ZNF883: variants seen among roughly 807,000 people sequenced by gnomAD.
ZNF883 encodes zinc finger protein 883.
intron 2 of ZNF883, among the ~76,000 whole-genome samples, 184 bp downstream of exon 2, chr9:113,010,957 C>T (rs2118632552): frequency 6.8e-6 from 1 of 147,720 alleles, no homozygotes; most frequent in Admixed American, 6.8e-5. Flanking sequence ...TGCACTCCAG[C>T]CTGGGCAACT....
downstream of ZNF883, among the ~76,000 whole-genome samples, chr9:112,996,345 A>G (rs1351837275): frequency 6.6e-6 from 1 of 152,216 alleles, no homozygotes; most frequent in African/African-American, 2.4e-5. Context: ...TTATTTGTCT[A>G]TGGCTATTAA....
At chr9:113,001,096 A>C (rs143879707), upstream of ZNF883, among the ~76,000 whole-genome samples, 1,989 of 152,278 alleles carry the variant, frequency 0.013, 34 homozygotes, top group African/African-American at 0.033. Context: ...GTTGCTATAA[A>C]GAAAGAATTC....
intron 1 of ZNF883, among the ~76,000 whole-genome samples, chr9:112,990,041 T>C (rs763019747): frequency 2.6e-5 from 4 of 152,196 alleles, no homozygotes; most frequent in South Asian, 2.1e-4. Flanking sequence ...TTTCTAGATA[T>C]AGGGTCATGT....
At chr9:112,998,391 A>C (rs1349704765), upstream of ZNF883, 3 of 686,820 alleles carry the variant, frequency 4.4e-6, no homozygotes, top group South Asian at 4.7e-5. Flanking sequence ...ATATCTAATA[A>C]ATTATTTTTC....
intron 2 of ZNF883, among the ~76,000 whole-genome samples, chr9:113,007,544 C>G (rs2118626195): frequency 6.6e-6 from 1 of 152,326 alleles, no homozygotes; most frequent in Non-Finnish European, 1.5e-5. Flanking sequence ...GCAAAATTAG[C>G]TGTGAGTATC....
intron 2 of ZNF883, among the ~76,000 whole-genome samples, chr9:113,005,894 A>C (rs1395033981): frequency 6.6e-6 from 1 of 152,166 alleles, no homozygotes; most frequent in Non-Finnish European, 1.5e-5. Flanking sequence ...GAATGAGTGC[A>C]TGAACAGACT....
chr9:112,998,819 G>A (rs1828392776), upstream of ZNF883: 1 of 152,156 alleles, frequency 6.6e-6, no homozygotes, highest in African/African-American at 2.4e-5. Context: ...GGGGACTACT[G>A]TATGAGGTCT....
chr9:112,991,320 T>G (rs1187528290), intron 1 of ZNF883, among the ~76,000 whole-genome samples: 3 of 152,230 alleles, frequency 2.0e-5, no homozygotes, highest in Non-Finnish European at 4.4e-5. Flanking sequence ...AAAAACAATT[T>G]GATTTCTGCC....
exon 1 of ZNF883, chr9:112,997,937 T>A (rs376373882): frequency 2.1e-4 from 331 of 1,613,786 alleles, no homozygotes; most frequent in Non-Finnish European, 2.7e-4. Flanking sequence ...GGATGACCTA[T>A]GACTAAAGGT....
downstream of ZNF883, among the ~76,000 whole-genome samples, chr9:112,995,571 C>T (rs1390948727): frequency 6.6e-6 from 1 of 151,482 alleles, no homozygotes; most frequent in East Asian, 1.9e-4. Context: ...TCTTCCTTCT[C>T]TCTTTCTTCT....
At chr9:112,999,653 C>T (rs563125054), upstream of ZNF883, 2 of 152,286 alleles carry the variant, frequency 1.3e-5, no homozygotes, top group African/African-American at 4.8e-5. Context: ...CTCAGGAAAA[C>T]ACTTTACTTA....
At chr9:112,997,161 G>C in exon 1 of ZNF883, 1 of 1,610,352 alleles carries the variant, frequency 6.2e-7, no homozygotes, top group Non-Finnish European at 8.5e-7. Context: ...GTTTTCTGAT[G>C]TCGAATTAAG....
chr9:112,988,490 T>C (rs577245210), intron 1 of ZNF883, among the ~76,000 whole-genome samples: 13 of 152,358 alleles, frequency 8.5e-5, no homozygotes, highest in African/African-American at 2.2e-4. Flanking sequence ...TTCCTTTTTA[T>C]GGCTGCATAA....
At position 112,997,560 on chromosome 9, in the gene ZNF883, C is replaced by G. The variant is rs775657831; in HGVS notation, n.700G>C. On this transcript the variant is annotated non_coding_transcript_exon_variant, in exon 1 of 1. Transcript: ENST00000639662. The stretch of plus-strand genomic sequence containing the variant: ...CATGCATTACACTCATAGGGTTTTT[C>G]TCCAGTATGAATTCTTTGATGTTGA... The G allele has an allele frequency of 3.7e-6, 6 of 1,614,178 alleles. No homozygotes were observed. In the South Asian group the frequency reaches 6.6e-5, roughly 18 times the overall value.
chr9:112,992,342 G>A (rs915158161), downstream of ZNF883, among the ~76,000 whole-genome samples: 3 of 152,168 alleles, frequency 2.0e-5, no homozygotes, highest in Non-Finnish European at 4.4e-5. Flanking sequence ...TGCTTACGAA[G>A]CTTAGTTTGG....
chr9:112,997,811 T>C (rs1302033717), exon 1 of ZNF883: 5 of 1,613,114 alleles, frequency 3.1e-6, no homozygotes, highest in Admixed American at 1.7e-5. Flanking sequence ...ATATGGTTTC[T>C]TTCCAGTATG....
chr9:112,997,168 T>C (rs779298240), exon 1 of ZNF883: 1 of 1,611,850 alleles, frequency 6.2e-7, no homozygotes, highest in Non-Finnish European at 8.5e-7. Context: ...GATGTCGAAT[T>C]AAGGATGTAC....
chr9:112,993,886 C>T (rs113812497), downstream of ZNF883, among the ~76,000 whole-genome samples: 2 of 152,204 alleles, frequency 1.3e-5, no homozygotes, highest in Non-Finnish European at 2.9e-5. Flanking sequence ...GTCCAAACTA[C>T]CCAGTCTCCC....
chr9:112,995,714 TTTTG>T (rs1229353619), downstream of ZNF883, among the ~76,000 whole-genome samples: 12 of 152,200 alleles, frequency 7.9e-5, no homozygotes, highest in South Asian at 2.1e-4. Flanking sequence ...TAAGATAGGT[TTTTG>T]TTTATTAATG....
Sources: gnomAD v4.1 joint callset for allele counts (sites outside exome capture counted in the v4.1 genomes callset) on GRCh38, gnomAD v4.1.1 for gene constraint, MANE v1.5 for transcripts, NCBI Gene and HGNC (gene_info 2026-07-23, HGNC 2026-07-21) for gene names.